The following FHOD3 variants were observed in gnomAD, a reference collection of about 807,000 sequenced individuals.
The protein encoded by FHOD3 is FH1/FH2 domain-containing protein 3.
FHOD3 carries 90 observed loss-of-function variants against 173.0 expected under a neutral mutation model. The ratio of observed to expected loss-of-function variants is 0.52; its 90% CI spans 0.44 to 0.62. FHOD3 has a LOEUF of 0.62. Among genes scored for constraint, FHOD3 ranks in the 20% least tolerant of loss-of-function variants. The pLI is 0.00. For synonymous variants in FHOD3, 828 were observed against 823.0 expected (o/e 1.01, Z -0.10); for missense variants, 1,945 against 2,034.7 (o/e 0.96, Z 0.85).
At chr18:36,756,097 C>T (rs550929522) in intron 25 of FHOD3, among the ~76,000 whole-genome samples, 2 of 152,304 alleles carry the variant, frequency 1.3e-5, no homozygotes, top group South Asian at 4.1e-4. Context: ...GTACATAGTG[C>T]AGGTTCCTTT....
chr18:36,340,322 G>A (rs1287127909), intron 1 of FHOD3, among the ~76,000 whole-genome samples: 1 of 152,168 alleles, frequency 6.6e-6, no homozygotes, highest in Non-Finnish European at 1.5e-5. Flanking sequence ...TTGTTAGGCA[G>A]GATAATAATA....
rs2047939039 is a variant in FHOD3 at position 36,384,571 on chromosome 18, A to AC, written c.337+11827_337+11828insC. Among the ~76,000 whole-genome samples the AC allele has an allele frequency of 6.8e-5, 3 of 44,398 alleles. 1 individual carries two copies. In the South Asian group the frequency reaches 2.6e-3, roughly 39 times the overall value. 29.1% of individuals were successfully genotyped at this position (44,398 alleles called of 152,430 possible). ...GGCAACAAGAGCAAAACTGCATCTC[A>AC]AAAAAAAAAAAAAAGGATTAAAGAA... On this transcript the variant is annotated intron_variant, in intron 3 of 28. Transcript: ENST00000590592.
chr18:36,514,522 C>T (rs1461260486), intron 5 of FHOD3, among the ~76,000 whole-genome samples: 2 of 151,938 alleles, frequency 1.3e-5, no homozygotes, highest in Non-Finnish European at 2.9e-5. Context: ...ATATGGATGC[C>T]CATATGTTGA....
intron 2 of FHOD3, among the ~76,000 whole-genome samples, chr18:36,360,943 A>C (rs542632854): frequency 1.3e-5 from 2 of 152,374 alleles, no homozygotes; most frequent in South Asian, 4.1e-4. Flanking sequence ...GATTTTGAAC[A>C]TAAGTCTAAA....
chr18:36,417,992 G>A (rs12970217), intron 3 of FHOD3, among the ~76,000 whole-genome samples: 22,597 of 152,152 alleles, frequency 0.15, 1,927 homozygotes, highest in South Asian at 0.34. Context: ...GACTGAAAAT[G>A]TTACTTTTAA....
chr18:36,540,153 A>G (rs1330442878), intron 5 of FHOD3, among the ~76,000 whole-genome samples: 8 of 152,208 alleles, frequency 5.3e-5, no homozygotes, highest in Admixed American at 4.6e-4. Flanking sequence ...TAAGAGGGGA[A>G]AATTCTGCAT....
At chr18:36,396,025 T>C (rs9964826) in intron 3 of FHOD3, among the ~76,000 whole-genome samples, 7,479 of 152,256 alleles carry the variant, frequency 0.049, 619 homozygotes, top group African/African-American at 0.17. Flanking sequence ...TTTATTGGTA[T>C]GCTTTATAAG....
At chr18:36,520,270 G>A (rs540197445) in intron 5 of FHOD3, among the ~76,000 whole-genome samples, 1 of 152,202 alleles carries the variant, frequency 6.6e-6, no homozygotes, top group African/African-American at 2.4e-5. Context: ...CTTTCAAGTT[G>A]TAATTTTTCT....
At chr18:36,641,455 C>T (rs1422797136) in intron 10 of FHOD3, among the ~76,000 whole-genome samples, 2 of 152,146 alleles carry the variant, frequency 1.3e-5, no homozygotes, top group African/African-American at 4.8e-5. Context: ...TCCATCTTGT[C>T]CCTTACTCAG....
At chr18:36,341,659 C>T (rs1321343561) in intron 1 of FHOD3, among the ~76,000 whole-genome samples, 1 of 152,132 alleles carries the variant, frequency 6.6e-6, no homozygotes, top group Non-Finnish European at 1.5e-5. Context: ...ATTGGGACCC[C>T]TAAAGATTAC....
At chr18:36,649,792 C>A (rs868155726) in intron 11 of FHOD3, among the ~76,000 whole-genome samples, 1 of 152,292 alleles carries the variant, frequency 6.6e-6, no homozygotes, top group Middle Eastern at 3.4e-3. Context: ...TTCCTTTCTT[C>A]CTGATTTTAC....
intron 17 of FHOD3, among the ~76,000 whole-genome samples, chr18:36,696,141 C>T (rs1405637518): frequency 2.6e-5 from 4 of 152,140 alleles, no homozygotes; most frequent in Non-Finnish European, 5.9e-5. Flanking sequence ...TTTACTGAGG[C>T]CCAGATAGAT....
chr18:36,374,048 A>G (rs2047318933), intron 3 of FHOD3, among the ~76,000 whole-genome samples: 1 of 152,212 alleles, frequency 6.6e-6, no homozygotes, highest in African/African-American at 2.4e-5. Flanking sequence ...ATGAATATGA[A>G]TTGTTTTTTC....
At chr18:36,588,017 T>C (rs1385957732) in intron 6 of FHOD3, among the ~76,000 whole-genome samples, 4 of 152,232 alleles carry the variant, frequency 2.6e-5, no homozygotes, top group African/African-American at 9.6e-5. Context: ...CTTCCTGTTC[T>C]GGTGGATGTG....
rs750273575 is a variant in FHOD3 at position 36,718,273 on chromosome 18, T to C, written c.2975T>C (p.Ile992Thr). ...ATGGCCAATCCAAGAGAGCTCAGAA[T>C]CCAAGACATGGATTTCACTGACCTG... Reference protein sequence around the residue: ...QLMANPRELRIQDMDFTDLGE... With the variant: ...QLMANPRELRTQDMDFTDLGE... Residue 992 changes from isoleucine to threonine, a missense_variant, in exon 19 of 29, where the codon ATC (isoleucine) becomes ACC (threonine). By Grantham distance (89) the Ile-to-Thr change is moderately conservative. Around this residue, in one of 5 missense-constraint regions of FHOD3, gnomAD observed 1,099 missense variants for 1,051.2 expected, o/e 1.05. Coordinates refer to ENST00000590592, the MANE Select transcript of FHOD3 (RefSeq NM_001281740.3). 6.2e-7 allele frequency: 1 copy of C among 1,614,162 alleles called. No homozygotes were observed. The highest frequency in any genetic ancestry group is 1.1e-5 in the South Asian group (1 of 91,080).
At chr18:36,771,621 T>C (rs765889723) in intron 28 of FHOD3, among the ~76,000 whole-genome samples, 7 of 152,202 alleles carry the variant, frequency 4.6e-5, no homozygotes, top group African/African-American at 7.2e-5. Flanking sequence ...TGGCTTCCTG[T>C]TAGTTCATTC....
intron 17 of FHOD3, among the ~76,000 whole-genome samples, chr18:36,697,354 T>C (rs926696501): frequency 2.6e-5 from 4 of 152,190 alleles, no homozygotes; most frequent in African/African-American, 4.8e-5. Context: ...CAGGTGGAGA[T>C]AAATGGCATT....
In FHOD3 at chr18:36,297,980, C is replaced by T. The variant is rs955723414; in HGVS notation, c.145C>T (p.Leu49=). ...LGTQLAGVHR[L]LQAPHKLDDC... Reference sequence around the variant, plus strand: ...CACCCAGCTGGCGGGGGTCCATAGGCTGCTGCAGGCGCCGCACAAGGTACG... The same window carrying T: ...CACCCAGCTGGCGGGGGTCCATAGGTTGCTGCAGGCGCCGCACAAGGTACG... The change falls in exon 1 of 29, where the codon CTG becomes TTG. Residue 49 remains leucine (L), a synonymous_variant. Coordinates refer to ENST00000590592, the MANE Select transcript of FHOD3 (RefSeq NM_001281740.3). 1.3e-6 allele frequency: 2 copies of T among 1,555,668 alleles called. No homozygotes were observed. The highest frequency in any genetic ancestry group is 1.4e-5 in the African/African-American group (1 of 71,526).
chr18:36,652,438 C>T, intron 11 of FHOD3, 132 bp from the exon 12 acceptor site: 1 of 1,179,326 alleles, frequency 8.5e-7, no homozygotes, highest in Non-Finnish European at 1.2e-6. Flanking sequence ...GTTCAAGAAA[C>T]ACAGCTTGAC....
Sources: allele counts gnomAD v4.1 joint callset (sites outside exome capture counted in the v4.1 genomes callset), GRCh38; gene constraint gnomAD v4.1.1; regional missense constraint gnomAD v4.1.1; transcripts MANE v1.5; gene names NCBI Gene and HGNC (gene_info 2026-07-23, HGNC 2026-07-21).